The following CSPP1 variants were observed in gnomAD, a reference collection of about 807,000 sequenced individuals.
CSPP1 encodes centrosome and spindle pole-associated protein 1.
A neutral mutation model predicts 164.4 loss-of-function variants in CSPP1; 126 were observed. The observed-to-expected ratio is 0.77, with a 90% CI of 0.66 to 0.89. The LOEUF (loss-of-function observed/expected upper bound fraction) is 0.89. Among genes scored for constraint, CSPP1 ranks in the 40% least tolerant of loss-of-function variants. CSPP1 has a pLI of 0.00. For missense variants in CSPP1, 1,395 were observed against 1,449.8 expected (o/e 0.96, Z 0.61); for synonymous variants, 472 against 476.7 (o/e 0.99, Z 0.13).
chr8:67,127,979 T>C (rs1476132445), intron 15 of CSPP1, among the ~76,000 whole-genome samples: 1 of 152,242 alleles, frequency 6.6e-6, no homozygotes, highest in Admixed American at 6.5e-5. Context: ...ACGCACAATC[T>C]GTCTTCTTTC....
chr8:67,193,602 G>A lies in CSPP1; in HGVS notation c.3469G>A (p.Asp1157Asn). 1 of 1,612,230 alleles carries A rather than the reference G, an allele frequency of 6.2e-7. No homozygotes were observed. Among genetic ancestry groups the A allele is most frequent in the Non-Finnish European group, 8.5e-7 (1 of 1,178,784 alleles). The change falls in exon 30 of 31, where the codon GAT becomes AAT. Residue 1157 changes from aspartate (D) to asparagine (N), a missense_variant and splice_region_variant. Physicochemically the swap from Asp to Asn is conservative, Grantham distance 23 (BLOSUM62 1). Transcript: ENST00000678616. ...NEFHNKPINT[D>N]DESSLVDPDD... ...ATTTCACAATAAACCTATTAATACA[G>A]GTAAATGACCAAGTGTAATGGCCTA... is the stretch of plus-strand genomic sequence containing the variant.
At chr8:67,165,248 C>T (rs902514873) in intron 24 of CSPP1, among the ~76,000 whole-genome samples, 1 of 152,168 alleles carries the variant, frequency 6.6e-6, no homozygotes, top group Non-Finnish European at 1.5e-5. Flanking sequence ...CACACCACTG[C>T]ACTCCAGCCT....
intron 1 of CSPP1, chr8:67,064,806 C>G: frequency 1.0e-5 from 2 of 194,782 alleles, no homozygotes; most frequent in Non-Finnish European, 2.0e-5. Flanking sequence ...AGGCCGGCAT[C>G]GGTGACTACG....
chr8:67,193,616 T>C lies in CSPP1; in HGVS notation c.3469+14T>C. On this transcript the variant is annotated intron_variant, in intron 30 of 30. Coordinates refer to ENST00000678616, the MANE Select transcript of CSPP1 (RefSeq NM_001382391.1). ...CTATTAATACAGGTAAATGACCAAGTGTAATGGCCTATAGTAGAATCCTGT... is the reference window on the plus strand; with the variant it reads ...CTATTAATACAGGTAAATGACCAAGCGTAATGGCCTATAGTAGAATCCTGT... 7 of 1,608,456 alleles carry C rather than the reference T, an allele frequency of 4.4e-6. No homozygotes were observed. The highest frequency in any genetic ancestry group is 1.7e-5 in the Admixed American group (1 of 59,950).
intron 17 of CSPP1, among the ~76,000 whole-genome samples, chr8:67,138,895 G>A (rs572541091): frequency 3.7e-4 from 56 of 151,710 alleles, no homozygotes; most frequent in African/African-American, 1.2e-3. Context: ...TATTGCCTAG[G>A]TTTTCTTCTA....
At chr8:67,162,902 C>T (rs1828649489) in intron 22 of CSPP1, among the ~76,000 whole-genome samples, 1 of 152,098 alleles carries the variant, frequency 6.6e-6, no homozygotes, top group African/African-American at 2.4e-5. Flanking sequence ...ATTGTGGCAG[C>T]AGAATGAGTT....
chr8:67,163,734 A>G lies in CSPP1; in HGVS notation c.2646A>G (p.Glu882=). The change falls in exon 23 of 31, where the codon GAA becomes GAG. Residue 882 remains glutamate, a splice_region_variant and synonymous_variant. Transcript: ENST00000678616. The part of the protein sequence containing the change: ...VDSIIRSFIH[E]SSMSRAQSPP... ...TCTTTGTCATTATTGTTGAACAGGA[A>G]AGTTCCATGTCCAGGGCACAGTCAC... 6.2e-7 allele frequency: 1 copy of G among 1,612,068 alleles called. No individual in the cohort carries two copies. The highest frequency in any genetic ancestry group is 2.2e-5 in the East Asian group (1 of 44,812).
At chr8:67,169,075 CT>C (rs1180404883) in intron 24 of CSPP1, among the ~76,000 whole-genome samples, 1 of 152,122 alleles carries the variant, frequency 6.6e-6, no homozygotes, top group African/African-American at 2.4e-5. Context: ...GCTATCTTGT[CT>C]TGGTGCTTAG....
rs755466509 is a variant in CSPP1 at position 67,118,833 on chromosome 8, G to T, written c.1697+12G>T. ...GCACAACCTGTTGTGTAAGTTATTA[G>T]TTAAAAGAATAATTTTTTCCCCACT... On this transcript the variant is annotated intron_variant, in intron 15 of 30. Coordinates refer to ENST00000678616, the MANE Select transcript of CSPP1 (RefSeq NM_001382391.1). 2.2e-5 allele frequency: 35 copies of T among 1,579,328 alleles called. No homozygotes were observed. Among genetic ancestry groups the T allele is most frequent in the Non-Finnish European group, 2.9e-5 (33 of 1,149,086 alleles).
chr8:67,169,379 G>A (rs905623263), intron 24 of CSPP1, among the ~76,000 whole-genome samples: 4 of 152,166 alleles, frequency 2.6e-5, no homozygotes, highest in African/African-American at 7.2e-5. Context: ...AAAGTCCATT[G>A]TAAAGTTAAT....
intron 3 of CSPP1, among the ~76,000 whole-genome samples, chr8:67,085,115 A>G (rs1810107868): frequency 6.6e-6 from 1 of 152,170 alleles, no homozygotes; most frequent in Non-Finnish European, 1.5e-5. Context: ...TCAAAAATTA[A>G]CATCCATTTA....
chr8:67,097,731 G>A (rs956579853), intron 7 of CSPP1, among the ~76,000 whole-genome samples: 2 of 151,300 alleles, frequency 1.3e-5, no homozygotes, highest in Non-Finnish European at 3.0e-5. Flanking sequence ...TATATCCTGT[G>A]ATAATTTTAT....
In CSPP1 at chr8:67,195,557, T is replaced by G. The variant is rs749332092; in HGVS notation, c.3645T>G (p.Thr1215=). 10 of 1,614,090 alleles carry G rather than the reference T, an allele frequency of 6.2e-6. No individual in the cohort carries two copies. The Admixed American group carries it at 1.7e-4, about 27-fold the overall frequency. The change falls in exon 31 of 31, where the codon ACT becomes ACG. Residue 1215 remains threonine (T), a synonymous_variant. Transcript: ENST00000678616. ...EQQQIPGKPG[T]FTWQGLSTAH... is the part of the protein sequence containing the mutation. ...AGCAGATTCCTGGAAAACCAGGCAC[T>G]TTCACTTGGCAGGGCCTGTCGACTG...
Position 67,105,949 on chromosome 8 carries a change from G to C in CSPP1, c.1067G>C (p.Cys356Ser). The C allele has an allele frequency of 6.3e-7, 1 of 1,593,962 alleles. No homozygotes were observed. The highest frequency in any genetic ancestry group is 8.6e-7 in the Non-Finnish European group (1 of 1,161,934). ...ETSKSANQDT[C>S]SPFAGMLFGG... Reference sequence around the variant, plus strand: ...TCCAAATCTGCTAATCAAGATACCTGTAGTCCTTTTGCAGGGATGCTCTTT... The same window carrying C: ...TCCAAATCTGCTAATCAAGATACCTCTAGTCCTTTTGCAGGGATGCTCTTT... Residue 356 changes from cysteine to serine, a missense_variant, in exon 9 of 31, where the codon TGT becomes TCT. Cys to Ser is a moderately radical substitution (Grantham distance 112). Transcript: ENST00000678616.
chr8:67,186,765 G>C (rs1208153790), intron 28 of CSPP1, among the ~76,000 whole-genome samples: 2 of 152,130 alleles, frequency 1.3e-5, no homozygotes, highest in African/African-American at 4.8e-5. Flanking sequence ...ATTGTCTATA[G>C]AAAATCTGAA....
intron 25 of CSPP1, chr8:67,172,833 G>A: frequency 4.1e-6 from 1 of 242,060 alleles, no homozygotes; most frequent in East Asian, 8.0e-5. Flanking sequence ...ATGGAACTTG[G>A]CATTTAATGG....
chr8:67,179,632 T>C (rs1271709537), intron 27 of CSPP1, among the ~76,000 whole-genome samples: 2 of 152,212 alleles, frequency 1.3e-5, no homozygotes, highest in Non-Finnish European at 2.9e-5. Flanking sequence ...GCTTGTAGAA[T>C]CTGTAGCCTG....
chr8:67,118,970 C>A lies in CSPP1; in HGVS notation c.1697+149C>A, dbSNP rs1460452505. ...ATGTGCAACCATCACCACAATCCAT[C>A]TTCAGAACTCTTTTCATCTTGTAAA... On this transcript the variant is annotated intron_variant, in intron 15 of 30. Coordinates refer to ENST00000678616, the MANE Select transcript of CSPP1 (RefSeq NM_001382391.1). 4 of 623,976 alleles carry A rather than the reference C, an allele frequency of 6.4e-6. No individual in the cohort carries two copies. In the African/African-American group the frequency reaches 7.4e-5, roughly 11 times the overall value. 38.7% of individuals were successfully genotyped at this position (623,976 alleles called of 1,614,324 possible).
chr8:67,078,248 C>G (rs1808364829), intron 3 of CSPP1, among the ~76,000 whole-genome samples: 2 of 152,136 alleles, frequency 1.3e-5, no homozygotes, highest in African/African-American at 4.8e-5. Flanking sequence ...CTTATGACAT[C>G]TATCTCAAAA....
Sources: allele counts gnomAD v4.1 joint callset (sites outside exome capture counted in the v4.1 genomes callset), GRCh38; gene constraint gnomAD v4.1.1; transcripts MANE v1.5; gene names NCBI Gene and HGNC (gene_info 2026-07-23, HGNC 2026-07-21).